HHAT: variants seen among roughly 807,000 people sequenced by gnomAD.
The protein encoded by HHAT is hedgehog acyltransferase.
Under a neutral mutation model 70.8 loss-of-function variants are expected in HHAT, and 47 were observed. The ratio of observed to expected loss-of-function variants is 0.66; its 90% CI spans 0.53 to 0.85. HHAT has a LOEUF of 0.85. Among genes scored for constraint, HHAT ranks in the 40% least tolerant of loss-of-function variants. The pLI is 0.00. For synonymous variants in HHAT, 228 were observed against 247.6 expected (o/e 0.92, Z 0.74); for missense variants, 609 against 604.8 (o/e 1.01, Z -0.07).
chr1:210,674,653 T>G lies in HHAT; in HGVS notation c.*274T>G, dbSNP rs998944077. ...GTGTGTCTTACCCAGCTACACAGGG[T>G]GACATTTTGGTCTAGAACCTAGTCT... On this transcript the variant is annotated 3_prime_UTR_variant, in exon 12 of 12. Transcript: ENST00000261458. 7.6e-5 allele frequency: 29 copies of G among 382,172 alleles called. No individual in the cohort carries two copies. Among genetic ancestry groups the G allele is most frequent in the African/African-American group, 5.5e-4 (27 of 48,944 alleles). 23.7% of individuals were successfully genotyped at this position (382,172 alleles called of 1,614,324 possible).
chr1:210,507,108 T>A (rs2094869696), intron 8 of HHAT, among the ~76,000 whole-genome samples: 2 of 152,286 alleles, frequency 1.3e-5, no homozygotes, highest in African/African-American at 4.8e-5. Flanking sequence ...GACATTGGTG[T>A]CTGCTCTGAG....
At chr1:210,340,523 G>A (rs1375361038) in intron 1 of HHAT, among the ~76,000 whole-genome samples, 1 of 152,132 alleles carries the variant, frequency 6.6e-6, no homozygotes, top group Non-Finnish European at 1.5e-5. Context: ...GGTTTCCAGA[G>A]TGCTCATTTG....
At chr1:210,547,933 A>G (rs925968208) in intron 9 of HHAT, among the ~76,000 whole-genome samples, 1 of 152,246 alleles carries the variant, frequency 6.6e-6, no homozygotes, top group African/African-American at 2.4e-5. Context: ...GAATGGCATT[A>G]AAAAGTCAAA....
chr1:210,631,276 C>A (rs1450335500), intron 11 of HHAT: 1 of 367,552 alleles, frequency 2.7e-6, no homozygotes, highest in African/African-American at 2.1e-5. Flanking sequence ...CATGAACCAT[C>A]CCTGGGTGTC....
intron 9 of HHAT, among the ~76,000 whole-genome samples, chr1:210,548,021 T>G (rs113345025): frequency 3.3e-5 from 5 of 152,084 alleles, no homozygotes; most frequent in Non-Finnish European, 5.9e-5. Flanking sequence ...TCCAAGAAGG[T>G]CTTGGGGAAA....
Position 210,520,819 on chromosome 1 carries a change from T to TA in HHAT, c.1043+7638dup, listed in dbSNP as rs553795427. ...ATATTTTGAATAAGAATCTAGCTTT[T>TA]AAAAAAATAGCAAGATAAATTTTCT... On this transcript the variant is annotated intron_variant, in intron 9 of 11. Coordinates refer to ENST00000261458, the MANE Select transcript of HHAT (RefSeq NM_018194.6). Among the ~76,000 whole-genome samples, 716 of 152,322 alleles carry TA rather than the reference T, an allele frequency of 4.7e-3. 6 individuals carry two copies. The highest frequency in any genetic ancestry group is 0.016 in the African/African-American group (673 of 41,574).
chr1:210,409,120 C>T (rs2092438931), intron 6 of HHAT, among the ~76,000 whole-genome samples: 1 of 152,178 alleles, frequency 6.6e-6, no homozygotes, highest in Admixed American at 6.5e-5. Flanking sequence ...CTTGCTTCGG[C>T]CTCCCAAAGT....
At chr1:210,504,585 C>T (rs564594920) in intron 8 of HHAT, among the ~76,000 whole-genome samples, 63 of 152,294 alleles carry the variant, frequency 4.1e-4, no homozygotes, top group African/African-American at 1.5e-3. Context: ...GGAACTGGTG[C>T]CTTCTCACCT....
Position 210,496,010 on chromosome 1 carries a change from C to CCAAA in HHAT, c.1008-17143_1008-17142insCAAA, listed in dbSNP as rs765143288. The stretch of plus-strand genomic sequence containing the variant: ...TGGGCAACAGAGTCAAACTCTATCT[C>CCAAA]AAAAAAAAAAAAAAAAAAAAGAAAA... On this transcript the variant is annotated intron_variant, in intron 8 of 11. Coordinates refer to ENST00000261458, the MANE Select transcript of HHAT (RefSeq NM_018194.6). Among the ~76,000 whole-genome samples, 146 of 67,962 alleles carry CCAAA rather than the reference C, an allele frequency of 2.1e-3. 2 individuals carry two copies. Among genetic ancestry groups the CCAAA allele is most frequent in the African/African-American group, 9.7e-3 (142 of 14,680 alleles). The allele number at this position is 67,962 out of a possible 152,430, so 44.6% of individuals were successfully genotyped here. A position where few individuals can be genotyped will look rare whatever the true frequency, so the allele number is the denominator to read the frequency against.
At chr1:210,525,614 A>G (rs1362097936) in intron 9 of HHAT, among the ~76,000 whole-genome samples, 1 of 152,202 alleles carries the variant, frequency 6.6e-6, no homozygotes, top group Non-Finnish European at 1.5e-5. Flanking sequence ...GAATTTATTA[A>G]TGAGACAATC....
intron 6 of HHAT, among the ~76,000 whole-genome samples, chr1:210,417,841 G>C (rs897292624): frequency 3.9e-5 from 6 of 152,144 alleles, no homozygotes; most frequent in African/African-American, 1.4e-4. Flanking sequence ...AATACACTGA[G>C]TGCTGCCCTC....
intron 7 of HHAT, among the ~76,000 whole-genome samples, chr1:210,422,119 TATAAACCATTCAAA>T (rs1256150954): frequency 6.6e-6 from 1 of 152,220 alleles, no homozygotes; most frequent in East Asian, 1.9e-4. Context: ...ACTGATAAAA[TATAAACCATTCAAA>T]ATAATTTTTT....
intron 10 of HHAT, among the ~76,000 whole-genome samples, chr1:210,616,431 T>A (rs1667750797): frequency 6.6e-6 from 1 of 152,176 alleles, no homozygotes; most frequent in East Asian, 1.9e-4. Context: ...TGGGGAGATT[T>A]GCTAAATCTC....
intron 9 of HHAT, among the ~76,000 whole-genome samples, chr1:210,547,286 A>G (rs2095492040): frequency 6.6e-6 from 1 of 152,200 alleles, no homozygotes; most frequent in South Asian, 2.1e-4. Flanking sequence ...AGATCGTGCC[A>G]TTGCACTCCA....
intron 3 of HHAT, among the ~76,000 whole-genome samples, chr1:210,368,154 A>G (rs756879740): frequency 2.6e-5 from 4 of 152,094 alleles, no homozygotes; most frequent in Non-Finnish European, 4.4e-5. Context: ...ATGAAGTTCT[A>G]TGTCAGGTAT....
At chr1:210,610,361 G>C (rs1393955370) in intron 10 of HHAT, among the ~76,000 whole-genome samples, 1 of 140,074 alleles carries the variant, frequency 7.1e-6, no homozygotes, top group Non-Finnish European at 1.6e-5. Flanking sequence ...TTTTTAATGG[G>C]GTTGCTTGTT....
intron 9 of HHAT, among the ~76,000 whole-genome samples, chr1:210,541,123 G>C (rs371345500): frequency 6.6e-6 from 1 of 152,102 alleles, no homozygotes; most frequent in South Asian, 2.1e-4. Flanking sequence ...TTACAGGTGT[G>C]AGCCACTGCG....
At position 210,337,578 on chromosome 1, in the gene HHAT, C is replaced by G. The variant is rs372826210; in HGVS notation, c.-44+8474C>G. Among the ~76,000 whole-genome samples, 5 of 152,226 alleles carry G rather than the reference C, an allele frequency of 3.3e-5. No individual in the cohort carries two copies. The East Asian group carries it at 9.7e-4, about 29-fold the overall frequency. On this transcript the variant is annotated intron_variant, in intron 1 of 11. Coordinates refer to ENST00000261458, the MANE Select transcript of HHAT (RefSeq NM_018194.6). ...CTTAGATTCCTTCATCCAGGAGCCC[C>G]TCCTCCATCTTCCAAGCACACCACT...
At chr1:210,404,948 G>A (rs74572399) in intron 6 of HHAT, among the ~76,000 whole-genome samples, 1 of 152,232 alleles carries the variant, frequency 6.6e-6, no homozygotes, top group African/African-American at 2.4e-5. Flanking sequence ...TAATGAGTAG[G>A]GCACAACAAG....
Sources: gnomAD v4.1 joint callset for allele counts (sites outside exome capture counted in the v4.1 genomes callset) on GRCh38, gnomAD v4.1.1 for gene constraint, MANE v1.5 for transcripts, NCBI Gene and HGNC (gene_info 2026-07-23, HGNC 2026-07-21) for gene names.